Variants in ALX4 observed in about 807,000 individuals in gnomAD.
The protein encoded by ALX4 is homeobox protein aristaless-like 4.
A neutral mutation model predicts 40.6 loss-of-function variants in ALX4; 22 were observed. The observed-to-expected ratio is 0.54, with a 90% CI of 0.39 to 0.77. The LOEUF is 0.77. Ranked by LOEUF, ALX4 falls within the 30% of genes least tolerant of loss-of-function variation. The pLI, the probability that ALX4 is intolerant of heterozygous loss-of-function variation, is 0.00. For missense variants in ALX4, 556 were observed against 564.8 expected, an observed-to-expected ratio of 0.98 and a Z score of 0.16; for synonymous variants, 266 against 240.5, an observed-to-expected ratio of 1.11 and a Z score of -0.98.
Position 44,297,517 on chromosome 11 carries a change from A to C in ALX4, c.466+12080T>G, listed in dbSNP as rs572462044. On this transcript the variant is annotated intron_variant, in intron 1 of 3. Coordinates refer to ENST00000652299, the MANE Select transcript of ALX4 (RefSeq NM_021926.4). ...AGGATCACTTGAGTCTAGGAGTTCA[A>C]GACCAGCCTGGGCAGCATGGAGAAA... 7.2e-5 allele frequency among the ~76,000 whole-genome samples: 11 copies of C among 152,194 alleles called. No homozygotes were observed. The East Asian group carries it at 2.1e-3, about 30-fold the overall frequency.
chr11:44,309,158 GCAGCCCCGCAGCCCCGCAGCC>G (rs1956488142), intron 1 of ALX4, among the ~76,000 whole-genome samples: 1 of 117,082 alleles, frequency 8.5e-6, no homozygotes, highest in Non-Finnish European at 1.8e-5. Flanking sequence ...CTGCTGTCCC[GCAGCCCCGCAGCCCCGCAGCC>G]TCGCAGCCCC....
chr11:44,278,586 A>G (rs1956291339), intron 1 of ALX4, among the ~76,000 whole-genome samples: 1 of 152,192 alleles, frequency 6.6e-6, no homozygotes, highest in African/African-American at 2.4e-5. Context: ...GTAAGGGTCC[A>G]GTTTTGCCCA....
chr11:44,293,776 C>T (rs763913847), intron 1 of ALX4, among the ~76,000 whole-genome samples: 1 of 152,238 alleles, frequency 6.6e-6, no homozygotes, highest in Non-Finnish European at 1.5e-5. Context: ...AGTGAGGAGG[C>T]TATTACTCGT....
At position 44,309,603 on chromosome 11, in the gene ALX4, A is replaced by T. The variant is rs182274454; in HGVS notation, c.460T>A (p.Cys154Ser). 1.9e-4 allele frequency: 294 copies of T among 1,584,940 alleles called. 1 individual carries two copies. In the African/African-American group the frequency reaches 3.7e-3, roughly 20 times the overall value. The change falls in exon 1 of 4, where the codon TGC becomes AGC. Residue 154 changes from cysteine to serine, a missense_variant. Cys to Ser is a moderately radical substitution (Grantham distance 112). Transcript: ENST00000652299. Reference sequence around the variant, plus strand: ...GACCCGCACGTGCACTCACCGTAGCAGGGAACCTGCAAGGCCGCGCTGTGG... The same window carrying T: ...GACCCGCACGTGCACTCACCGTAGCTGGGAACCTGCAAGGCCGCGCTGTGG... ...SGHSAALQVP[C>S]YAKESSLGEP... is the part of the protein sequence containing the mutation.
At chr11:44,267,666 G>A (rs767623025) in intron 2 of ALX4, 44 bp from the exon 3 acceptor site, 45 of 1,612,840 alleles carry the variant, frequency 2.8e-5, no homozygotes, top group Middle Eastern at 1.6e-4. Flanking sequence ...TGAGATGCCC[G>A]CCTGGAGGCC....
At chr11:44,286,130 T>C (rs1366901878) in intron 1 of ALX4, among the ~76,000 whole-genome samples, 1 of 152,172 alleles carries the variant, frequency 6.6e-6, no homozygotes, top group African/African-American at 2.4e-5. Context: ...CTTGGTCCCC[T>C]GCACACACTG....
At chr11:44,300,740 G>A (rs1956429956) in intron 1 of ALX4, among the ~76,000 whole-genome samples, 1 of 152,226 alleles carries the variant, frequency 6.6e-6, no homozygotes, top group South Asian at 2.1e-4. Context: ...TAAGGGGGCT[G>A]TTATACATGA....
chr11:44,305,850 G>T (rs1205386061), intron 1 of ALX4, among the ~76,000 whole-genome samples: 1 of 152,254 alleles, frequency 6.6e-6, no homozygotes, highest in Non-Finnish European at 1.5e-5. Context: ...AATCGAAAGC[G>T]AAAGGGAAGG....
In ALX4 at chr11:44,282,367, G is replaced by A. The variant is rs190372320; in HGVS notation, c.467-6709C>T. Among the ~76,000 whole-genome samples the A allele has an allele frequency of 5.6e-4, 85 of 152,328 alleles. 1 individual carries two copies. The highest frequency in any genetic ancestry group is 6.8e-3 in the Middle Eastern group (2 of 294). On this transcript the variant is annotated intron_variant, in intron 1 of 3. Transcript: ENST00000652299. ...ATGCCAAGTTACGGCGATGTATGGA[G>A]CACCCGGAACTCCCATCCATCACAG...
intron 1 of ALX4, among the ~76,000 whole-genome samples, chr11:44,289,421 C>T (rs1956357207): frequency 6.6e-6 from 1 of 152,192 alleles, no homozygotes; most frequent in Non-Finnish European, 1.5e-5. Flanking sequence ...CTGACCCTCC[C>T]CAGATCCCAT....
At chr11:44,279,195 C>T (rs1418377300) in intron 1 of ALX4, among the ~76,000 whole-genome samples, 2 of 152,174 alleles carry the variant, frequency 1.3e-5, no homozygotes, top group African/African-American at 4.8e-5. Context: ...CATCTTTAGA[C>T]CCAGCCCATG....
Position 44,267,663 on chromosome 11 carries a change from C to A in ALX4, c.778-41G>T, listed in dbSNP as rs769624652. The A allele has an allele frequency of 3.3e-5, 53 of 1,613,136 alleles. No homozygotes were observed. The South Asian group carries it at 4.9e-4, about 15-fold the overall frequency. ...AAGCCATTGTCACCAGGGTGAGATG[C>A]CCGCCTGGAGGCCTCACTTTCAGGC... On this transcript the variant is annotated intron_variant, in intron 2 of 3. Coordinates refer to ENST00000652299, the MANE Select transcript of ALX4 (RefSeq NM_021926.4).
rs1019717734 is a variant in ALX4, at chr11:44,279,900, A to C, written c.467-4242T>G. Among the ~76,000 whole-genome samples, 10 of 152,352 alleles carry C rather than the reference A, an allele frequency of 6.6e-5. No homozygotes were observed. In the South Asian group the frequency reaches 2.1e-3, roughly 32 times the overall value. ...GCACAGGATAGGTCAGGTGGCAGAG[A>C]TGCAGTAAGAGGTTGCTGAGGAATA... On this transcript the variant is annotated intron_variant, in intron 1 of 3. Transcript: ENST00000652299.
chr11:44,291,066 TC>T (rs930239489), intron 1 of ALX4, among the ~76,000 whole-genome samples: 2 of 152,256 alleles, frequency 1.3e-5, no homozygotes, highest in African/African-American at 4.8e-5. Context: ...GAGCGGCAGC[TC>T]CCAGAATGAC....
chr11:44,273,947 A>C (rs1460586908), intron 2 of ALX4, among the ~76,000 whole-genome samples: 1 of 152,030 alleles, frequency 6.6e-6, no homozygotes, highest in African/African-American at 2.4e-5. Context: ...AGAGAGACCC[A>C]GTCTCTTTAA....
At chr11:44,266,292 C>T (rs1191566486) in intron 3 of ALX4, among the ~76,000 whole-genome samples, 1 of 152,154 alleles carries the variant, frequency 6.6e-6, no homozygotes, top group Non-Finnish European at 1.5e-5. Context: ...TGCGCTCAGG[C>T]AGCAGAGCTC....
chr11:44,265,027 C>T lies in ALX4; in HGVS notation c.1063G>A (p.Ala355Thr), dbSNP rs1310129725. ...SVTDFLSVSG[A>T]GSHVGQTHMG... ...TGCGTCTGGCCCACGTGACTGCCAG[C>T]CCCAGACACACTCAGGAAGTCGGTG... The change falls in exon 4 of 4, where the codon GCT becomes ACT. Residue 355 changes from alanine (A) to threonine (T), a missense_variant. Transcript: ENST00000652299. 1 of 1,613,092 alleles carries T rather than the reference C, an allele frequency of 6.2e-7. No homozygotes were observed. Among genetic ancestry groups the T allele is most frequent in the East Asian group, 2.2e-5 (1 of 44,872 alleles).
At chr11:44,280,664 G>A (rs1956304484) in intron 1 of ALX4, among the ~76,000 whole-genome samples, 1 of 152,198 alleles carries the variant, frequency 6.6e-6, no homozygotes, top group Non-Finnish European at 1.5e-5. Flanking sequence ...ACTACTTAGA[G>A]CCATCAATCA....
intron 1 of ALX4, among the ~76,000 whole-genome samples, chr11:44,291,398 A>ATTTCTTTC (rs778372093): frequency 3.0e-5 from 3 of 101,590 alleles, no homozygotes; most frequent in Non-Finnish European, 6.5e-5. Flanking sequence ...AAACAATTGA[A>ATTTCTTTC]TTTCTTTCTT....
Sources: gnomAD v4.1 joint callset for allele counts (sites outside exome capture counted in the v4.1 genomes callset) on GRCh38, gnomAD v4.1.1 for gene constraint, MANE v1.5 for transcripts, NCBI Gene and HGNC (gene_info 2026-07-23, HGNC 2026-07-21) for gene names.